The following ZGRF1 variants were observed in gnomAD, a reference collection of about 807,000 sequenced individuals.
The protein encoded by ZGRF1 is 5'-3' DNA helicase ZGRF1.
In ZGRF1, 196 loss-of-function variants were observed where a neutral mutation model predicts 203.5. That is an observed-to-expected ratio of 0.96 (90% CI 0.86 to 1.08). The LOEUF is 1.08. Among genes scored for constraint, ZGRF1 ranks in the 50% least tolerant of loss-of-function variants. The probability of loss-of-function intolerance (pLI) is 0.00; values close to 1 mark genes in which losing one functional copy is unlikely to be tolerated. For synonymous variants in ZGRF1, 809 were observed against 841.3 expected (o/e 0.96, Z 0.66); for missense variants, 2,326 against 2,416.3 (o/e 0.96, Z 0.78).
intron 16 of ZGRF1, 135 bp downstream of exon 16, chr4:112,581,528 T>G (rs959723822): frequency 5.8e-6 from 2 of 343,318 alleles, no homozygotes; most frequent in African/African-American, 4.4e-5. Flanking sequence ...TACAATTAGT[T>G]TATAATACAT....
chr4:112,560,649 C>G, intron 19 of ZGRF1, 84 bp downstream of exon 19: 1 of 1,189,952 alleles, frequency 8.4e-7, no homozygotes, highest in Non-Finnish European at 1.2e-6. Flanking sequence ...CCTCATTTGA[C>G]TAGGAAATTA....
At position 112,617,536 on chromosome 4, in the gene ZGRF1, T is replaced by A. The variant is rs1289555225; in HGVS notation, c.2506A>T (p.Ser836Cys). The A allele has an allele frequency of 6.2e-7, 1 of 1,613,294 alleles. No homozygotes were observed. Among genetic ancestry groups the A allele is most frequent in the Non-Finnish European group, 8.5e-7 (1 of 1,179,748 alleles). ...ISILKSLCEH[S>C]TALDSLEILK... ...ATTTCCAAGCTGTCTAAAGCAGTAC[T>A]GTGTTCACATAGCGACTTTAAAATA... The change falls in exon 6 of 28, where the codon AGT (serine) becomes TGT (cysteine). Residue 836 changes from serine (S) to cysteine (C), a missense_variant. By Grantham distance (112) the Ser-to-Cys change is moderately radical. Transcript: ENST00000505019.
intron 3 of ZGRF1, among the ~76,000 whole-genome samples, chr4:112,624,229 G>A (rs1225453522): frequency 1.3e-5 from 2 of 151,960 alleles, no homozygotes; most frequent in African/African-American, 4.8e-5. Context: ...ATGAAACTGG[G>A]AAGAGGCTGG....
rs376019406 is a variant in ZGRF1, at chr4:112,552,072, G to A, written c.5346+1763C>T. ...GTGGGAGGATCACTTAAGGTCAGGA[G>A]TTTGAGACCAGCCTGGCCAACACTG... On this transcript the variant is annotated intron_variant, in intron 22 of 27. Transcript: ENST00000505019. Among the ~76,000 whole-genome samples the A allele has an allele frequency of 5.9e-5, 9 of 152,226 alleles. No homozygotes were observed. In the East Asian group the frequency reaches 1.7e-3, roughly 29 times the overall value.
chr4:112,615,386 C>A (rs2046831398), intron 6 of ZGRF1, among the ~76,000 whole-genome samples: 2 of 151,994 alleles, frequency 1.3e-5, no homozygotes, highest in Non-Finnish European at 1.5e-5. Context: ...CACCACCACA[C>A]CCGACTAATT....
At chr4:112,625,441 C>T (rs570939437) in intron 3 of ZGRF1, among the ~76,000 whole-genome samples, 2 of 151,466 alleles carry the variant, frequency 1.3e-5, no homozygotes, top group African/African-American at 2.4e-5. Flanking sequence ...AAAAATTAGC[C>T]GGGCGCGGTG....
At chr4:112,600,144 A>G (rs1749708414) in intron 10 of ZGRF1, among the ~76,000 whole-genome samples, 1 of 151,862 alleles carries the variant, frequency 6.6e-6, no homozygotes, top group African/African-American at 2.4e-5. Flanking sequence ...CAATCCTCCT[A>G]CCTCAGCCTG....
intron 8 of ZGRF1, among the ~76,000 whole-genome samples, chr4:112,606,795 TTGAC>T (rs1750838305): frequency 6.6e-6 from 1 of 152,206 alleles, no homozygotes; most frequent in Admixed American, 6.5e-5. Context: ...AAAAGTGTAA[TTGAC>T]TATTTGAAGA....
chr4:112,626,785 AATTTATTTATTT>A lies in ZGRF1; in HGVS notation c.103-2921_103-2910del, dbSNP rs553664852. On this transcript the variant is annotated intron_variant, in intron 3 of 27. Coordinates refer to ENST00000505019, the MANE Select transcript of ZGRF1 (RefSeq NM_018392.5). The stretch of plus-strand genomic sequence containing the variant: ...ACGTGAGTGCTTCTGTGATACTTCA[AATTTATTTATTT>A]ATTTATTTATTTATTTTTCTTTTTT... Among the ~76,000 whole-genome samples, 5 of 151,694 alleles carry A rather than the reference AATTTATTTATTT, an allele frequency of 3.3e-5. No homozygotes were observed. In the South Asian group the frequency reaches 6.2e-4, roughly 19 times the overall value.
At chr4:112,564,892 C>T in intron 16 of ZGRF1, 1 of 646,448 alleles carries the variant, frequency 1.5e-6, no homozygotes, top group East Asian at 2.7e-5. Flanking sequence ...TCGCAGCCGC[C>T]ACCGCGCCGC....
chr4:112,616,016 C>T (rs2046855805), intron 6 of ZGRF1, among the ~76,000 whole-genome samples: 1 of 152,080 alleles, frequency 6.6e-6, no homozygotes, highest in South Asian at 2.1e-4. Context: ...TTAGTAGGTA[C>T]AATAAGTTAA....
rs1737506354 is a variant in ZGRF1, at chr4:112,541,158, T to C, written c.5709A>G (p.Ile1903Met). 6.2e-7 allele frequency: 1 copy of C among 1,611,656 alleles called. No homozygotes were observed. Among genetic ancestry groups the C allele is most frequent in the Non-Finnish European group, 8.5e-7 (1 of 1,178,802 alleles). The change falls in exon 25 of 28, where the codon ATA (isoleucine) becomes ATG (methionine). Residue 1903 changes from isoleucine to methionine, a missense_variant. Coordinates refer to ENST00000505019, the MANE Select transcript of ZGRF1 (RefSeq NM_018392.5). ...GCCATTCCAATAAAGGGCTCCGCTC[T>C]ATTTCTGTTACACCATTCATGAGGG... ...KGALMNGVTE[I>M]ERSPLLEWLP...
intron 16 of ZGRF1, among the ~76,000 whole-genome samples, chr4:112,579,345 C>T (rs1204083938): frequency 8.1e-6 from 1 of 122,712 alleles, no homozygotes; most frequent in Non-Finnish European, 1.8e-5. Context: ...GGAAGCATTC[C>T]CTTTGAAAAC....
At chr4:112,577,805 A>C (rs1387869482) in intron 16 of ZGRF1, among the ~76,000 whole-genome samples, 2 of 122,292 alleles carry the variant, frequency 1.6e-5, no homozygotes, top group African/African-American at 2.8e-5. Context: ...CTACAAAGAG[A>C]CTTAGACTTC....
Position 112,618,867 on chromosome 4 carries a change from C to T in ZGRF1, c.1175G>A (p.Gly392Asp), listed in dbSNP as rs748938653. 3.7e-6 allele frequency: 6 copies of T among 1,613,370 alleles called. No individual in the cohort carries two copies. The East Asian group carries it at 1.3e-4, about 36-fold the overall frequency. ...CTGATTCCAGGATGGATCATTATTA[C>T]CGACTGACTGGTCTACATTATACTT... The part of the protein sequence containing the change: ...RKKYNVDQSV[G>D]NNDPSWNQEV... The change falls in exon 6 of 28, where the codon GGT becomes GAT. Residue 392 changes from glycine (G) to aspartate (D), a missense_variant. Coordinates refer to ENST00000505019, the MANE Select transcript of ZGRF1 (RefSeq NM_018392.5).
intron 7 of ZGRF1, 109 bp downstream of exon 7, chr4:112,612,415 G>T (rs2149130278): frequency 1.5e-6 from 1 of 647,380 alleles, no homozygotes; most frequent in East Asian, 2.9e-5. Flanking sequence ...GATACAGCAG[G>T]AGTCATGAAC....
chr4:112,549,113 C>CA (rs771730607), intron 22 of ZGRF1, among the ~76,000 whole-genome samples: 567 of 16,746 alleles, frequency 0.034, 134 homozygotes, highest in African/African-American at 0.049. Context: ...GACTCCGTCT[C>CA]AAAAAAAAAA....
In ZGRF1 at chr4:112,619,277, T is replaced by A. The variant is rs372105375; in HGVS notation, c.765A>T (p.Ile255=). 3.5e-5 allele frequency: 57 copies of A among 1,613,256 alleles called. No homozygotes were observed. In the African/African-American group the frequency reaches 6.5e-4, roughly 19 times the overall value. The change falls in exon 6 of 28, where the codon ATA becomes ATT. Residue 255 remains isoleucine, a synonymous_variant. Transcript: ENST00000505019. ...VSQNIRSKAQ[I]LALLKSESSS... The stretch of plus-strand genomic sequence containing the variant: ...ATGATTCGGACTTCAGAAGAGCTAA[T>A]ATCTGTGCTTTGCTTCTGATGTTTT...
rs767613463 is a variant in ZGRF1 at position 112,633,206 on chromosome 4, G to A, written c.-30C>T. 1 of 1,590,400 alleles carries A rather than the reference G, an allele frequency of 6.3e-7. No individual in the cohort carries two copies. The highest frequency in any genetic ancestry group is 1.1e-5 in the South Asian group (1 of 89,354). On this transcript the variant is annotated 5_prime_UTR_variant, in exon 2 of 28. Transcript: ENST00000505019. ...TCTTCTGAAGTTATAAACCAGCTGG[G>A]TCCAGAAAATAGGAAATATTCAACT...
Sources: gnomAD v4.1 joint callset for allele counts (sites outside exome capture counted in the v4.1 genomes callset) on GRCh38, gnomAD v4.1.1 for gene constraint, MANE v1.5 for transcripts, NCBI Gene and HGNC (gene_info 2026-07-23, HGNC 2026-07-21) for gene names.